MYO16: variants seen among roughly 807,000 people sequenced by gnomAD.
The protein encoded by MYO16 is myosin XVI, also known as unconventional myosin-XVI.
Under a neutral mutation model 205.3 loss-of-function variants are expected in MYO16, and 94 were observed. That is an observed-to-expected ratio of 0.46 (90% CI 0.39 to 0.54). The LOEUF is 0.54. Among genes scored for constraint, MYO16 ranks in the 20% least tolerant of loss-of-function variants. The pLI is 0.00. For missense variants in MYO16, 2,315 were observed against 2,387.5 expected, an observed-to-expected ratio of 0.97 and a Z score of 0.63; for synonymous variants, 988 against 954.0, an observed-to-expected ratio of 1.04 and a Z score of -0.66.
At chr13:108,505,546 T>C in the MYO16 span, among the ~76,000 whole-genome samples, 1 of 152,192 alleles carries the variant, frequency 6.6e-6, no homozygotes, top group Admixed American at 6.5e-5. Context: ...TACTGAGTTG[T>C]GAGAGCTCTT....
At chr13:108,722,430 T>G (rs1188842035) in intron 3 of MYO16, among the ~76,000 whole-genome samples, 1 of 152,174 alleles carries the variant, frequency 6.6e-6, no homozygotes, top group Non-Finnish European at 1.5e-5. Flanking sequence ...CTAGAAAGTA[T>G]TTATTGCTGT....
At chr13:109,114,078 A>G (rs572859378) in intron 28 of MYO16, among the ~76,000 whole-genome samples, 1 of 152,286 alleles carries the variant, frequency 6.6e-6, no homozygotes, top group Admixed American at 6.5e-5. Flanking sequence ...CTAACTTTTC[A>G]CTGGGGAGCA....
chr13:108,936,085 T>TTTCCTTCCTTCCTTCCTTCCTTCCTTCC (rs56030003), intron 16 of MYO16, among the ~76,000 whole-genome samples: 1 of 129,016 alleles, frequency 7.8e-6, no homozygotes, highest in African/African-American at 2.9e-5. Flanking sequence ...TTGGCTATAG[T>TTTCCTTCCTTCCTTCCTTCCTTCCTTCC]TTCCTTCCTT....
At chr13:108,510,478 T>A in the MYO16 span, among the ~76,000 whole-genome samples, 1 of 133,472 alleles carries the variant, frequency 7.5e-6, no homozygotes, top group Non-Finnish European at 1.6e-5. Flanking sequence ...TTTTTTTTTT[T>A]TTTTTTTATT....
chr13:108,946,749 T>C (rs1441740026), intron 16 of MYO16, among the ~76,000 whole-genome samples: 1 of 152,108 alleles, frequency 6.6e-6, no homozygotes, highest in Admixed American at 6.6e-5. Flanking sequence ...AGATGGATTT[T>C]TTTTTTTATT....
intron 2 of MYO16, among the ~76,000 whole-genome samples, chr13:108,706,295 G>A (rs1356036507): frequency 6.6e-6 from 1 of 152,090 alleles, no homozygotes; most frequent in Non-Finnish European, 1.5e-5. Flanking sequence ...ATTGTGGCAG[G>A]GCAGTAGAAA....
At chr13:109,048,287 C>CA (rs958979587) in intron 24 of MYO16, 61 of 663,856 alleles carry the variant, frequency 9.2e-5, no homozygotes, top group Admixed American at 2.8e-4. Flanking sequence ...TAAATTTGTA[C>CA]AAAAAAAAGT....
At chr13:108,800,126 T>A (rs757861773) in intron 6 of MYO16, among the ~76,000 whole-genome samples, 4 of 152,158 alleles carry the variant, frequency 2.6e-5, no homozygotes, top group Non-Finnish European at 5.9e-5. Flanking sequence ...ACACTCCAGA[T>A]TTTCTCTGCT....
At chr13:108,692,903 G>C (rs1352590419) in intron 2 of MYO16, among the ~76,000 whole-genome samples, 1 of 152,078 alleles carries the variant, frequency 6.6e-6, no homozygotes. Context: ...TCTCCATGGA[G>C]TCATTCTAAG....
At position 109,100,843 on chromosome 13, in the gene MYO16, C is replaced by T. The variant is rs1888941253; in HGVS notation, c.3394C>T (p.Arg1132Ter). 6.2e-7 allele frequency: 1 copy of T among 1,613,490 alleles called. No individual in the cohort carries two copies. Among genetic ancestry groups the T allele is most frequent in the Non-Finnish European group, 8.5e-7 (1 of 1,179,526 alleles). ...GAAGAAGGAACAGTCAGCTGCCGAG[C>T]GATGTCGACTTGTTCTCCAGCAGTG... is the stretch of plus-strand genomic sequence containing the variant. The part of the protein sequence containing the change: ...REKKEQSAAE[R>*]CRLVLQQCKL... Residue 1132 changes from arginine to a stop codon, truncating the protein, a stop_gained, in exon 28 of 35, where the codon CGA becomes TGA. Transcript: ENST00000457511. LOFTEE classifies it high-confidence loss of function.
chr13:108,596,336 C>A (rs1345721780), intron 1 of MYO16: 2 of 152,108 alleles, frequency 1.3e-5, no homozygotes, highest in African/African-American at 4.8e-5. Context: ...ATTTCAGTTC[C>A]CTTGTTTTAA....
At chr13:108,600,279 A>G (rs1878715461) in intron 1 of MYO16, among the ~76,000 whole-genome samples, 1 of 152,172 alleles carries the variant, frequency 6.6e-6, no homozygotes, top group African/African-American at 2.4e-5. Context: ...TTTGCTGATC[A>G]TTGGCATTGC....
rs184561603 is a variant in MYO16 at position 109,113,185 on chromosome 13, T to C, written c.3439-7185T>C. On this transcript the variant is annotated intron_variant, in intron 28 of 34. Coordinates refer to ENST00000457511, the MANE Select transcript of MYO16 (RefSeq NM_001198950.3). ...TTGAATAAGTTCTAGAAGCCTACTA[T>C]ACAACATTTCACTGCTATTTAACAA... Among the ~76,000 whole-genome samples the C allele has an allele frequency of 1.6e-3, 246 of 152,318 alleles. 2 individuals are homozygous for C. Among genetic ancestry groups the C allele is most frequent in the Admixed American group, 0.014 (221 of 15,302 alleles).
At chr13:108,842,241 C>T (rs766887948) in intron 9 of MYO16, among the ~76,000 whole-genome samples, 31 of 151,944 alleles carry the variant, frequency 2.0e-4, no homozygotes, top group Admixed American at 3.9e-4. Context: ...AAGGCTTCTG[C>T]ACAGCAAAGA....
intron 29 of MYO16, among the ~76,000 whole-genome samples, chr13:109,123,605 T>C (rs1876101766): frequency 6.6e-6 from 1 of 152,218 alleles, no homozygotes; most frequent in African/African-American, 2.4e-5. Context: ...GTTTAACATT[T>C]TTCCTTTAGG....
chr13:108,657,423 T>A (rs1046510268), intron 1 of MYO16, among the ~76,000 whole-genome samples: 4 of 152,232 alleles, frequency 2.6e-5, no homozygotes, highest in African/African-American at 9.6e-5. Flanking sequence ...GTAATTTTTT[T>A]AATGAATGCT....
At chr13:109,028,187 A>T (rs1886425012) in intron 23 of MYO16, among the ~76,000 whole-genome samples, 1 of 151,014 alleles carries the variant, frequency 6.6e-6, no homozygotes, top group Non-Finnish European at 1.5e-5. Flanking sequence ...AGTGGAAGGT[A>T]TGTGCAGAAA....
At chr13:108,500,070 T>C in the MYO16 span, among the ~76,000 whole-genome samples, 2 of 151,770 alleles carry the variant, frequency 1.3e-5, no homozygotes, top group Non-Finnish European at 2.9e-5. Context: ...GGTGGGTGCA[T>C]GTGCCTGGCC....
intron 7 of MYO16, among the ~76,000 whole-genome samples, chr13:108,812,790 T>C (rs1887335212): frequency 6.6e-6 from 1 of 152,114 alleles, no homozygotes; most frequent in Non-Finnish European, 1.5e-5. Flanking sequence ...TTAATACGAC[T>C]ATAAAAAGAA....
Sources: gnomAD v4.1 joint callset for allele counts (sites outside exome capture counted in the v4.1 genomes callset) on GRCh38, gnomAD v4.1.1 for gene constraint, MANE v1.5 for transcripts, NCBI Gene and HGNC (gene_info 2026-07-23, HGNC 2026-07-21) for gene names.